The following VAV3 variants were observed in gnomAD, a reference collection of about 807,000 sequenced individuals.
VAV3 encodes the protein guanine nucleotide exchange factor VAV3.
VAV3 carries 94 observed loss-of-function variants against 131.2 expected under a neutral mutation model. That is an observed-to-expected ratio of 0.72 (90% CI 0.61 to 0.85). The LOEUF (loss-of-function observed/expected upper bound fraction) is 0.85. VAV3 is among the 40% of genes least tolerant of loss of function. The pLI, the probability that VAV3 is intolerant of heterozygous loss-of-function variation, is 0.00. For synonymous variants in VAV3, 349 were observed against 342.0 expected (o/e 1.02, Z -0.22); for missense variants, 939 against 1,002.7 (o/e 0.94, Z 0.86).
intron 9 of VAV3, among the ~76,000 whole-genome samples, chr1:107,761,513 T>C (rs545138358): frequency 3.3e-5 from 5 of 152,204 alleles, no homozygotes; most frequent in African/African-American, 9.6e-5. Flanking sequence ...TTTCCCCCAG[T>C]GGACTTATAG....
chr1:107,911,770 G>A (rs900159769), intron 1 of VAV3, among the ~76,000 whole-genome samples: 3 of 152,146 alleles, frequency 2.0e-5, no homozygotes, highest in Non-Finnish European at 4.4e-5. Flanking sequence ...ACATCAAGGG[G>A]AATGTAAAAA....
At chr1:107,860,183 T>C (rs1669670336) in intron 2 of VAV3, among the ~76,000 whole-genome samples, 1 of 152,122 alleles carries the variant, frequency 6.6e-6, no homozygotes, top group Non-Finnish European at 1.5e-5. Flanking sequence ...TGCAGTGGCA[T>C]GATCTCGACT....
intron 2 of VAV3, among the ~76,000 whole-genome samples, chr1:107,792,501 AATT>A (rs1557850439): frequency 1.3e-5 from 2 of 152,168 alleles, no homozygotes; most frequent in African/African-American, 4.8e-5. Context: ...TATGCATATA[AATT>A]TCAACAGGTA....
chr1:107,846,817 ATAGT>A (rs1322626716), intron 2 of VAV3, among the ~76,000 whole-genome samples: 1 of 152,176 alleles, frequency 6.6e-6, no homozygotes, highest in Non-Finnish European at 1.5e-5. Flanking sequence ...CCACACAATA[ATAGT>A]GGGAGACTTT....
At position 107,603,256 on chromosome 1, in the gene VAV3, C is replaced by G. The variant is rs554812940; in HGVS notation, c.2016-93G>C. 1.3e-4 allele frequency: 116 copies of G among 884,800 alleles called. 2 individuals are homozygous for G. The East Asian group carries it at 2.8e-3, about 22-fold the overall frequency. 54.8% of individuals were successfully genotyped at this position (884,800 alleles called of 1,614,324 possible). On this transcript the variant is annotated intron_variant, in intron 22 of 26. Transcript: ENST00000370056. ...TATCTCTCAATATTTAATTTAGTGG[C>G]AGATCTGAGCTGTTGGTAATTCTAT...
intron 20 of VAV3, among the ~76,000 whole-genome samples, chr1:107,625,201 A>G (rs1328253003): frequency 6.6e-6 from 1 of 152,114 alleles, no homozygotes; most frequent in African/African-American, 2.4e-5. Flanking sequence ...TTGGCCAAAA[A>G]ACATTTGATC....
chr1:107,634,989 T>C (rs1654804517), intron 20 of VAV3, among the ~76,000 whole-genome samples: 1 of 151,386 alleles, frequency 6.6e-6, no homozygotes, highest in Admixed American at 6.6e-5. Context: ...GGAGAGGATG[T>C]GGAGAAATAG....
At chr1:107,901,811 G>C (rs1403427322) in intron 1 of VAV3, among the ~76,000 whole-genome samples, 1 of 152,158 alleles carries the variant, frequency 6.6e-6, no homozygotes, top group Non-Finnish European at 1.5e-5. Context: ...GGGAGGCCAA[G>C]GCGGGTGGAT....
At chr1:107,777,921 CT>C (rs1314601062) in intron 3 of VAV3, among the ~76,000 whole-genome samples, 3 of 152,112 alleles carry the variant, frequency 2.0e-5, no homozygotes, top group Non-Finnish European at 4.4e-5. Flanking sequence ...AGAGTGTTTT[CT>C]TTGTTCCCTA....
intron 1 of VAV3, among the ~76,000 whole-genome samples, chr1:107,939,936 C>T (rs1673907347): frequency 6.6e-6 from 1 of 151,994 alleles, no homozygotes; most frequent in Non-Finnish European, 1.5e-5. Flanking sequence ...GAGGTGCTCT[C>T]CAGATGTACC....
intron 1 of VAV3, among the ~76,000 whole-genome samples, chr1:107,929,856 T>C (rs1435613657): frequency 6.6e-6 from 1 of 152,012 alleles, no homozygotes; most frequent in Non-Finnish European, 1.5e-5. Flanking sequence ...TACTCAGCCA[T>C]AAAGGAAAAT....
chr1:107,679,848 A>G (rs1354568353), intron 19 of VAV3, among the ~76,000 whole-genome samples: 4 of 152,194 alleles, frequency 2.6e-5, no homozygotes, highest in African/African-American at 4.8e-5. Flanking sequence ...TTTTCCTGAT[A>G]CCAACATCTG....
chr1:107,754,271 T>C (rs1006136258), intron 12 of VAV3, among the ~76,000 whole-genome samples: 4 of 152,094 alleles, frequency 2.6e-5, no homozygotes, highest in African/African-American at 4.8e-5. Flanking sequence ...GAAATCCACA[T>C]TTTGGAAATG....
chr1:107,791,200 A>G (rs1666268925), intron 2 of VAV3, among the ~76,000 whole-genome samples: 2 of 152,138 alleles, frequency 1.3e-5, no homozygotes, highest in Admixed American at 6.5e-5. Context: ...CTTCCCATGT[A>G]TCTTAAGATG....
intron 25 of VAV3, among the ~76,000 whole-genome samples, chr1:107,592,030 T>C (rs764957106): frequency 6.6e-6 from 1 of 151,500 alleles, no homozygotes; most frequent in Non-Finnish European, 1.5e-5. Context: ...AATATGTTAC[T>C]ATACACACAC....
chr1:107,920,948 CATAAA>C (rs1672869244), intron 1 of VAV3, among the ~76,000 whole-genome samples: 1 of 152,172 alleles, frequency 6.6e-6, no homozygotes, highest in Admixed American at 6.5e-5. Flanking sequence ...AAGCAAATAG[CATAAA>C]ATAAAACTTA....
intron 18 of VAV3, 126 bp from the exon 19 acceptor site, chr1:107,683,659 T>A: frequency 2.2e-6 from 2 of 924,018 alleles, no homozygotes; most frequent in Non-Finnish European, 3.4e-6. Context: ...AAAGTATGAC[T>A]AAATTTGATC....
At chr1:107,874,788 A>T in intron 2 of VAV3, 113 bp downstream of exon 2, 1 of 906,182 alleles carries the variant, frequency 1.1e-6, no homozygotes, top group Non-Finnish European at 1.7e-6. Flanking sequence ...AAATTTAACT[A>T]TATAATGCAG....
chr1:107,817,245 C>T (rs1318691809), intron 2 of VAV3, among the ~76,000 whole-genome samples: 1 of 152,012 alleles, frequency 6.6e-6, no homozygotes, highest in African/African-American at 2.4e-5. Context: ...TACTGGGGAA[C>T]CTCGCAGAGA....
Sources: gnomAD v4.1 joint callset for allele counts (sites outside exome capture counted in the v4.1 genomes callset) on GRCh38, gnomAD v4.1.1 for gene constraint, MANE v1.5 for transcripts, NCBI Gene and HGNC (gene_info 2026-07-23, HGNC 2026-07-21) for gene names.